CEMIP2: variants seen among roughly 807,000 people sequenced by gnomAD.
CEMIP2 encodes cell surface hyaluronidase CEMIP2.
CEMIP2 carries 79 observed loss-of-function variants against 146.9 expected under a neutral mutation model. The ratio of observed to expected loss-of-function variants is 0.54; its 90% CI spans 0.45 to 0.65. The LOEUF (loss-of-function observed/expected upper bound fraction) is 0.65. Among genes scored for constraint, CEMIP2 ranks in the 30% least tolerant of loss-of-function variants. The pLI is 0.00. For synonymous variants in CEMIP2, 601 were observed against 606.3 expected (o/e 0.99, Z 0.13); for missense variants, 1,596 against 1,696.2 (o/e 0.94, Z 1.04).
intron 2 of CEMIP2, among the ~76,000 whole-genome samples, chr9:71,748,079 A>G (rs1343643586): frequency 6.6e-6 from 1 of 152,172 alleles, no homozygotes; most frequent in African/African-American, 2.4e-5. Context: ...GAAATTCTCC[A>G]TAGTTTTATA....
chr9:71,685,045 C>T lies in CEMIP2; in HGVS notation c.*152G>A. On this transcript the variant is annotated 3_prime_UTR_variant, in exon 24 of 24. Transcript: ENST00000377044. ...CTAGAAGGTGCATGAAGCTGGTATC[C>T]AAGCAATAATTTCAAACGCTTTCTT... The T allele has an allele frequency of 1.5e-6, 1 of 671,668 alleles. No homozygotes were observed. The highest frequency in any genetic ancestry group is 2.4e-6 in the Non-Finnish European group (1 of 423,724). 41.6% of individuals were successfully genotyped at this position (671,668 alleles called of 1,614,324 possible). A position where few individuals can be genotyped will look rare whatever the true frequency, so the allele number is the denominator to read the frequency against.
At chr9:71,750,908 G>A (rs564247028) in intron 1 of CEMIP2, among the ~76,000 whole-genome samples, 149 of 151,900 alleles carry the variant, frequency 9.8e-4, no homozygotes, top group Non-Finnish European at 1.9e-3. Flanking sequence ...CACGATGATT[G>A]GCTAATTTTT....
At chr9:71,741,857 G>C (rs535470643) in intron 4 of CEMIP2, among the ~76,000 whole-genome samples, 108 of 151,880 alleles carry the variant, frequency 7.1e-4, no homozygotes, top group Non-Finnish European at 1.1e-3. Flanking sequence ...TGTTGGCCAA[G>C]CTGGTCTCGC....
chr9:71,724,182 C>T (rs1028103786), intron 11 of CEMIP2, among the ~76,000 whole-genome samples: 2 of 152,002 alleles, frequency 1.3e-5, no homozygotes, highest in African/African-American at 4.8e-5. Context: ...GTAATCCAAG[C>T]TACTCAGGAG....
chr9:71,759,938 G>C (rs1447811625), intron 1 of CEMIP2, among the ~76,000 whole-genome samples: 1 of 150,922 alleles, frequency 6.6e-6, no homozygotes, highest in East Asian at 1.9e-4. Flanking sequence ...TTTTACCAGG[G>C]AAGCCATATA....
chr9:71,759,781 G>A (rs911196552), intron 1 of CEMIP2, among the ~76,000 whole-genome samples: 5 of 126,242 alleles, frequency 4.0e-5, no homozygotes, highest in Admixed American at 3.1e-4. Context: ...AAATAAAAGG[G>A]AAAGAAGCAG....
At chr9:71,700,603 A>G (rs1822531082) in intron 19 of CEMIP2, 39 bp downstream of exon 19, 1 of 1,533,164 alleles carries the variant, frequency 6.5e-7, no homozygotes, top group African/African-American at 1.4e-5. Flanking sequence ...ATTAAAGAAA[A>G]ATAGGAATAA....
chr9:71,743,182 T>C (rs1823973225), intron 4 of CEMIP2, among the ~76,000 whole-genome samples: 1 of 152,232 alleles, frequency 6.6e-6, no homozygotes, highest in African/African-American at 2.4e-5. Flanking sequence ...GGCTTCCATT[T>C]ATATAAAGTT....
intron 16 of CEMIP2, among the ~76,000 whole-genome samples, chr9:71,710,322 T>C (rs1229533057): frequency 6.6e-6 from 1 of 152,236 alleles, no homozygotes; most frequent in Non-Finnish European, 1.5e-5. Context: ...TAAATGCTTT[T>C]ATGCACTTTT....
At chr9:71,694,197 A>G (rs1822320591) in intron 21 of CEMIP2, among the ~76,000 whole-genome samples, 1 of 151,896 alleles carries the variant, frequency 6.6e-6, no homozygotes, top group South Asian at 2.1e-4. Flanking sequence ...ATCTCAGCTC[A>G]CTGCAGTCTC....
intron 21 of CEMIP2, among the ~76,000 whole-genome samples, chr9:71,692,822 A>C (rs899247866): frequency 2.0e-5 from 3 of 152,114 alleles, no homozygotes; most frequent in African/African-American, 7.2e-5. Context: ...GGATCAATTT[A>C]GCCTGGGAGG....
chr9:71,765,201 G>T (rs1333778791), intron 1 of CEMIP2, among the ~76,000 whole-genome samples: 1 of 152,154 alleles, frequency 6.6e-6, no homozygotes, highest in Non-Finnish European at 1.5e-5. Flanking sequence ...TTGCTCTCAA[G>T]ATGGGATTCA....
rs1433874396 is a variant in CEMIP2, at chr9:71,683,745, C to G, written c.*1452G>C. The G allele has an allele frequency of 6.6e-6, 1 of 152,462 alleles. No homozygotes were observed. The highest frequency in any genetic ancestry group is 1.5e-5 in the Non-Finnish European group (1 of 68,014). The allele number at this position is 152,462 out of a possible 1,614,324, so 9.4% of individuals were successfully genotyped here. On this transcript the variant is annotated 3_prime_UTR_variant, in exon 24 of 24. Transcript: ENST00000377044. ...TGAGGTAGCATATTTTGTAAAGTCA[C>G]AGGGCTGCTCTGCAGTTTCTCCTGG...
intron 10 of CEMIP2, among the ~76,000 whole-genome samples, chr9:71,728,245 A>ATG (rs1823464307): frequency 9.9e-5 from 4 of 40,342 alleles, no homozygotes; most frequent in African/African-American, 2.0e-4. Context: ...ATATATATAT[A>ATG]TATATGTATA....
intron 10 of CEMIP2, among the ~76,000 whole-genome samples, chr9:71,728,550 TAAATAC>T (rs967065674): frequency 1.5e-4 from 23 of 151,384 alleles, no homozygotes; most frequent in Non-Finnish European, 2.9e-5. Context: ...TTCTCAATAA[TAAATAC>T]AAATTTCTCC....
chr9:71,739,548 G>C (rs1350965592), intron 5 of CEMIP2, among the ~76,000 whole-genome samples: 1 of 152,040 alleles, frequency 6.6e-6, no homozygotes, highest in East Asian at 1.9e-4. Context: ...GCTGGGGCTT[G>C]ATTCCAGCTT....
Position 71,730,894 on chromosome 9 carries a change from T to G in CEMIP2, c.1584A>C (p.Ser528=), listed in dbSNP as rs752933936. ...TCAATTCCACATAAGAAAGATGGAC[T>G]GAAGTAAAATTTTTCATTATCTGTA... ...GHIMIMKNFT[S]VHLSYVELKH... Residue 528 remains serine, a synonymous_variant, in exon 8 of 24, where the codon TCA becomes TCC. Transcript: ENST00000377044. The G allele has an allele frequency of 6.2e-7, 1 of 1,614,190 alleles. No individual in the cohort carries two copies. Among genetic ancestry groups the G allele is most frequent in the South Asian group, 1.1e-5 (1 of 91,076 alleles).
Position 71,730,679 on chromosome 9 carries a change from G to C in CEMIP2, c.1773+26C>G, listed in dbSNP as rs370450738. ...GAGAGTTAACTATTTCAATAATATGGGTTGACCTAATGCGAGGCTACTTAC... is the reference window on the plus strand; with the variant it reads ...GAGAGTTAACTATTTCAATAATATGCGTTGACCTAATGCGAGGCTACTTAC... On this transcript the variant is annotated intron_variant, in intron 8 of 23. Transcript: ENST00000377044. The C allele has an allele frequency of 1.9e-6, 3 of 1,608,132 alleles. No homozygotes were observed. The African/African-American group carries it at 4.0e-5, about 22-fold the overall frequency.
chr9:71,755,959 CACAAAAAAAAA>C lies in CEMIP2; in HGVS notation c.-12-5585_-12-5575del, dbSNP rs1824424657. Among the ~76,000 whole-genome samples the C allele has an allele frequency of 1.0e-4, 4 of 39,046 alleles. No individual in the cohort carries two copies. The South Asian group carries it at 2.6e-3, about 25-fold the overall frequency. The allele number at this position is 39,046 out of a possible 152,430, so 25.6% of individuals were successfully genotyped here. A position where few individuals can be genotyped will look rare whatever the true frequency, so the allele number is the denominator to read the frequency against. ...TGGGTGACAGAGCATGACTCTGTCT[CACAAAAAAAAA>C]AAAAAAAAAAAAAAAAAAAACCTCT... On this transcript the variant is annotated intron_variant, in intron 1 of 23. Transcript: ENST00000377044.
Sources: gnomAD v4.1 joint callset for allele counts (sites outside exome capture counted in the v4.1 genomes callset) on GRCh38, gnomAD v4.1.1 for gene constraint, MANE v1.5 for transcripts, NCBI Gene and HGNC (gene_info 2026-07-23, HGNC 2026-07-21) for gene names.